TNIK: variants seen among roughly 807,000 people sequenced by gnomAD.
TNIK encodes the protein TRAF2 and NCK interacting kinase.
TNIK carries 49 observed loss-of-function variants against 191.3 expected under a neutral mutation model. That is an observed-to-expected ratio of 0.26 (90% CI 0.20 to 0.32). The LOEUF is 0.32. TNIK is among the 10% of genes least tolerant of loss of function. The probability of loss-of-function intolerance (pLI) is 1.00; values close to 1 mark genes in which losing one functional copy is unlikely to be tolerated. For missense variants in TNIK, 1,155 were observed against 1,702.3 expected (o/e 0.68, Z 5.66); for synonymous variants, 594 against 600.9 (o/e 0.99, Z 0.17).
chr3:171,173,269 G>A (rs1392270807), intron 9 of TNIK, among the ~76,000 whole-genome samples: 31 of 151,060 alleles, frequency 2.1e-4, no homozygotes, highest in African/African-American at 4.9e-4. Context: ...GGTGGCGGGC[G>A]CCTGTAGTCC....
chr3:171,188,593 A>C (rs750436572), intron 7 of TNIK, 109 bp downstream of exon 7: 21 of 1,358,904 alleles, frequency 1.5e-5, no homozygotes, highest in Admixed American at 5.1e-5. Context: ...AATGTTTTTC[A>C]GTTCTCCCTT....
chr3:171,279,096 CA>C (rs1750127981), intron 2 of TNIK, among the ~76,000 whole-genome samples: 1 of 151,218 alleles, frequency 6.6e-6, no homozygotes, highest in African/African-American at 2.4e-5. Flanking sequence ...AGTTTATATG[CA>C]GACATTATTG....
intron 3 of TNIK, among the ~76,000 whole-genome samples, chr3:171,223,270 A>G (rs543639634): frequency 5.9e-5 from 9 of 152,138 alleles, no homozygotes; most frequent in Non-Finnish European, 1.3e-4. Flanking sequence ...GTCTCCTCAC[A>G]GTTCCGACAA....
intron 2 of TNIK, chr3:171,346,981 A>G (rs549042584): frequency 3.4e-4 from 209 of 623,840 alleles, no homozygotes; most frequent in Non-Finnish European, 5.1e-4. Flanking sequence ...CACAGTAGGA[A>G]TGTAGGGGCT....
At chr3:171,114,024 T>C (rs959714874) in intron 18 of TNIK, among the ~76,000 whole-genome samples, 1 of 150,548 alleles carries the variant, frequency 6.6e-6, no homozygotes, top group African/African-American at 2.4e-5. Context: ...AAAAGCAGCA[T>C]TCTCAAGGCT....
intron 1 of TNIK, among the ~76,000 whole-genome samples, chr3:171,384,230 T>C (rs932861059): frequency 2.0e-5 from 3 of 152,224 alleles, no homozygotes; most frequent in African/African-American, 7.2e-5. Context: ...GCTTTGAATG[T>C]ATCTGTCTTA....
intron 2 of TNIK, among the ~76,000 whole-genome samples, chr3:171,262,856 T>G (rs2109137517): frequency 6.6e-6 from 1 of 152,204 alleles, no homozygotes; most frequent in South Asian, 2.1e-4. Flanking sequence ...AAGTGACTGG[T>G]TTAAGGGGTG....
intron 7 of TNIK, 142 bp from the exon 8 acceptor site, chr3:171,177,522 C>A (rs1736108009): frequency 1.0e-6 from 1 of 954,684 alleles, no homozygotes; most frequent in Non-Finnish European, 1.5e-6. Context: ...ACCTTCAAAG[C>A]AGAAACAGTC....
chr3:171,103,977 T>A (rs1254910079), intron 21 of TNIK, among the ~76,000 whole-genome samples: 1 of 152,138 alleles, frequency 6.6e-6, no homozygotes. Flanking sequence ...TTTAAAGTTC[T>A]GAACTGCTTA....
rs565464672 is a variant in TNIK, at chr3:171,392,218, G to A, written c.58-22533C>T. ...CAGGAAATACTGGGAAATAGGGACA[G>A]TGATACAAATGACAATAAGATAAAA... On this transcript the variant is annotated intron_variant, in intron 1 of 32. Transcript: ENST00000436636. 3.2e-4 allele frequency among the ~76,000 whole-genome samples: 48 copies of A among 152,308 alleles called. 1 individual carries two copies. The South Asian group carries it at 9.5e-3, about 30-fold the overall frequency.
At chr3:171,074,882 C>T (rs1381856729) in intron 28 of TNIK, among the ~76,000 whole-genome samples, 1 of 152,116 alleles carries the variant, frequency 6.6e-6, no homozygotes, top group African/African-American at 2.4e-5. Context: ...TTAAGCTGGT[C>T]TCAAGTTTTC....
chr3:171,162,860 TC>T (rs2108741432), intron 10 of TNIK, among the ~76,000 whole-genome samples: 1 of 152,364 alleles, frequency 6.6e-6, no homozygotes, highest in South Asian at 2.1e-4. Flanking sequence ...AAAATAGTGC[TC>T]TTTCCAACAT....
chr3:171,445,687 G>A (rs1456779288), intron 1 of TNIK, among the ~76,000 whole-genome samples: 3 of 152,100 alleles, frequency 2.0e-5, no homozygotes, highest in Non-Finnish European at 4.4e-5. Context: ...ACAATACACA[G>A]ACACATATCC....
chr3:171,298,513 C>G (rs10155050), intron 2 of TNIK, among the ~76,000 whole-genome samples: 68,735 of 151,994 alleles, frequency 0.45, 16,232 homozygotes, highest in Non-Finnish European at 0.51. Context: ...TAACTTGTGG[C>G]CAGAAGTGAT....
intron 1 of TNIK, among the ~76,000 whole-genome samples, chr3:171,386,374 G>A (rs542546523): frequency 1.2e-4 from 19 of 152,260 alleles, no homozygotes; most frequent in Non-Finnish European, 2.6e-4. Flanking sequence ...GGTGTTCGTG[G>A]TGTTTTTTAA....
Position 171,188,004 on chromosome 3 carries a change from A to G in TNIK, c.639+698T>C, listed in dbSNP as rs111356705. Among the ~76,000 whole-genome samples the G allele has an allele frequency of 5.3e-3, 803 of 152,358 alleles. 6 individuals are homozygous for G. The highest frequency in any genetic ancestry group is 0.013 in the Admixed American group (205 of 15,298). On this transcript the variant is annotated intron_variant, in intron 7 of 32. Transcript: ENST00000436636. ...ATTCATTAGAAAGCCGTGTCACCTG[A>G]AAGTCCAGACAATAAACCTGAGGGG...
chr3:171,270,113 T>A (rs1046314291), intron 2 of TNIK, among the ~76,000 whole-genome samples: 1 of 152,108 alleles, frequency 6.6e-6, no homozygotes, highest in Non-Finnish European at 1.5e-5. Flanking sequence ...TTGGAAACTG[T>A]GAAGATAATT....
In TNIK at chr3:171,066,705, C is replaced by A; in HGVS notation, c.3730G>T (p.Val1244Phe). ...IQGNITPHAIVILPKTDGMEM... is the reference protein window; with the variant it reads ...IQGNITPHAIFILPKTDGMEM... ...ATTCCATCTGTTTTAGGCAAGATGA[C>A]AATAGCATGAGGAGTGATATTGCCC... The change falls in exon 31 of 33, where the codon GTC becomes TTC. Residue 1244 changes from valine (V) to phenylalanine (F), a missense_variant. Physicochemically the swap from Val to Phe is conservative, Grantham distance 50. Around this residue, in one of 3 missense-constraint regions of TNIK, gnomAD observed 195 missense variants for 415.4 expected, o/e 0.47. Transcript: ENST00000436636. The A allele has an allele frequency of 6.2e-7, 1 of 1,613,702 alleles. No individual in the cohort carries two copies. Among genetic ancestry groups the A allele is most frequent in the Non-Finnish European group, 8.5e-7 (1 of 1,179,798 alleles).
At chr3:171,266,346 T>C (rs1560344494) in intron 2 of TNIK, among the ~76,000 whole-genome samples, 1 of 151,982 alleles carries the variant, frequency 6.6e-6, no homozygotes, top group Non-Finnish European at 1.5e-5. Context: ...TTATTTTAAA[T>C]AAAAAAAGCC....
Sources: gnomAD v4.1 joint callset for allele counts (sites outside exome capture counted in the v4.1 genomes callset) on GRCh38, gnomAD v4.1.1 for gene constraint, gnomAD v4.1.1 regional missense constraint, MANE v1.5 for transcripts, NCBI Gene and HGNC (gene_info 2026-07-23, HGNC 2026-07-21) for gene names.